Variants in PRKDC observed in about 807,000 individuals in gnomAD.
PRKDC encodes the protein protein kinase, DNA-activated, catalytic subunit, also known as DNA-dependent protein kinase catalytic subunit.
Under a neutral mutation model 486.9 loss-of-function variants are expected in PRKDC, and 82 were observed. The ratio of observed to expected loss-of-function variants is 0.17; its 90% CI spans 0.14 to 0.20. PRKDC has a LOEUF of 0.20. Ranked by LOEUF, PRKDC falls within the 10% of genes least tolerant of loss-of-function variation. The pLI, the probability that PRKDC is intolerant of heterozygous loss-of-function variation, is 1.00. For synonymous variants in PRKDC, 1,895 were observed against 1,837.0 expected, an observed-to-expected ratio of 1.03 and a Z score of -0.81; for missense variants, 4,504 against 5,038.2, an observed-to-expected ratio of 0.89 and a Z score of 3.21.
chr8:47,809,072 A>G (rs2087273055), intron 68 of PRKDC, among the ~76,000 whole-genome samples: 1 of 148,966 alleles, frequency 6.7e-6, no homozygotes, highest in African/African-American at 2.5e-5. Context: ...AAAAAGAGGA[A>G]AAAAGGAGAG....
At chr8:47,788,053 T>G (rs141826177) in intron 76 of PRKDC, among the ~76,000 whole-genome samples, 1 of 152,224 alleles carries the variant, frequency 6.6e-6, no homozygotes, top group African/African-American at 2.4e-5. Flanking sequence ...CCAAGACTTA[T>G]CTATGCCCTT....
At chr8:47,868,080 A>G (rs1013177795) in intron 40 of PRKDC, among the ~76,000 whole-genome samples, 1 of 152,208 alleles carries the variant, frequency 6.6e-6, no homozygotes, top group Non-Finnish European at 1.5e-5. Context: ...GTTGCTGAAT[A>G]GCTTAATGTA....
At chr8:47,924,223 G>A (rs1217181175) in intron 21 of PRKDC, among the ~76,000 whole-genome samples, 1 of 151,996 alleles carries the variant, frequency 6.6e-6, no homozygotes, top group East Asian at 1.9e-4. Context: ...TATTTTCCCG[G>A]CCCCAGGTTG....
chr8:47,947,541 G>A (rs755294449), intron 7 of PRKDC, among the ~76,000 whole-genome samples: 20 of 152,214 alleles, frequency 1.3e-4, no homozygotes, highest in Non-Finnish European at 2.8e-4. Flanking sequence ...GGTAAGGCGG[G>A]TGGATTGCTT....
chr8:47,799,421 C>G (rs2087052338), intron 71 of PRKDC, 31 bp from the exon 72 acceptor site: 2 of 1,458,200 alleles, frequency 1.4e-6, no homozygotes, highest in African/African-American at 2.8e-5. Context: ...AACCCATGAG[C>G]ATGACTGAAG....
chr8:47,839,349 T>C (rs2088093850), intron 55 of PRKDC, 103 bp from the exon 56 acceptor site: 5 of 819,258 alleles, frequency 6.1e-6, no homozygotes, highest in Non-Finnish European at 1.0e-5. Context: ...AAAGGCTTGT[T>C]TTCCCATTAG....
In PRKDC at chr8:47,778,560, G is replaced by C; in HGVS notation, c.11752C>G (p.Leu3918Val). 1 of 1,613,856 alleles carries C rather than the reference G, an allele frequency of 6.2e-7. No homozygotes were observed. Among genetic ancestry groups the C allele is most frequent in the Non-Finnish European group, 8.5e-7 (1 of 1,179,838 alleles). ...TTCAGATGTCTGTCTCCAATCCCGA[G>C]GATCCAGTGGCTGATGCATATCAGA... ...HALICISHWI[L>V]GIGDRHLNNF... Residue 3918 changes from leucine to valine, a missense_variant, in exon 83 of 86, where the codon CTC (leucine) becomes GTC (valine). This residue lies in a region of PRKDC where 706 missense variants were observed against 945.0 expected (regional missense o/e 0.75). Transcript: ENST00000314191.
intron 11 of PRKDC, among the ~76,000 whole-genome samples, chr8:47,936,875 T>G (rs1443374908): frequency 6.8e-6 from 1 of 147,094 alleles, no homozygotes; most frequent in Non-Finnish European, 1.5e-5. Flanking sequence ...TCTGCCCACC[T>G]CAGCCTCCCA....
At chr8:47,907,991 TG>T (rs561974477) in intron 25 of PRKDC, among the ~76,000 whole-genome samples, 3 of 152,086 alleles carry the variant, frequency 2.0e-5, no homozygotes, top group Non-Finnish European at 4.4e-5. Flanking sequence ...CAGCTAGAAA[TG>T]CAAGTATTTC....
At chr8:47,853,215 T>C (rs1193320454) in intron 51 of PRKDC, among the ~76,000 whole-genome samples, 1 of 152,204 alleles carries the variant, frequency 6.6e-6, no homozygotes, top group Non-Finnish European at 1.5e-5. Flanking sequence ...CCATTCACTG[T>C]CAGCACTCAG....
chr8:47,820,216 C>G (rs1425631541), intron 66 of PRKDC, among the ~76,000 whole-genome samples: 2 of 152,136 alleles, frequency 1.3e-5, no homozygotes, highest in Non-Finnish European at 2.9e-5. Flanking sequence ...AGTTCAAGAC[C>G]AGCCTGGCCA....
At chr8:47,848,251 T>C (rs574202349) in intron 54 of PRKDC, among the ~76,000 whole-genome samples, 98 of 152,268 alleles carry the variant, frequency 6.4e-4, no homozygotes, top group African/African-American at 2.1e-3. Context: ...TGCCCATCAA[T>C]GGTGGACTGG....
rs1474773584 is a variant in PRKDC, at chr8:47,893,235, G to C, written c.3751C>G (p.Gln1251Glu). 6.2e-7 allele frequency: 1 copy of C among 1,612,590 alleles called. No individual in the cohort carries two copies. The highest frequency in any genetic ancestry group is 8.5e-7 in the Non-Finnish European group (1 of 1,179,258). The change falls in exon 31 of 86, where the codon CAG (glutamine) becomes GAG (glutamate). Residue 1251 changes from glutamine to glutamate, a missense_variant. This residue lies in a region of PRKDC where 1,969 missense variants were observed against 2,068.9 expected (regional missense o/e 0.95). Transcript: ENST00000314191. ...AGGTCCAGCCAGCATAGCGTGGCCT[G>C]CAGGCTGAATGGCCCCCGAAGGTAC... Reference protein sequence around the residue: ...LLYLRGPFSLQATLCWLDLLL... With the variant: ...LLYLRGPFSLEATLCWLDLLL...
At chr8:47,907,168 G>A (rs1004342769) in intron 25 of PRKDC, among the ~76,000 whole-genome samples, 1 of 150,974 alleles carries the variant, frequency 6.6e-6, no homozygotes, top group African/African-American at 2.4e-5. Context: ...AGCCTCCCGA[G>A]TAGCTGGGAC....
intron 52 of PRKDC, among the ~76,000 whole-genome samples, chr8:47,851,073 G>A (rs1449246812): frequency 6.6e-6 from 1 of 152,178 alleles, no homozygotes; most frequent in Non-Finnish European, 1.5e-5. Context: ...GCCTCCCAAA[G>A]TGCCGGGATT....
chr8:47,891,064 C>G (rs2089445912), intron 31 of PRKDC, among the ~76,000 whole-genome samples: 1 of 152,154 alleles, frequency 6.6e-6, no homozygotes, highest in Non-Finnish European at 1.5e-5. Flanking sequence ...TGTCATAAAA[C>G]TCGTTTGTCT....
chr8:47,907,038 A>G (rs1485409747), intron 25 of PRKDC, among the ~76,000 whole-genome samples: 1 of 151,260 alleles, frequency 6.6e-6, no homozygotes, highest in African/African-American at 2.4e-5. Context: ...CAAAAGAATC[A>G]TACTGGTGTT....
At chr8:47,896,710 T>G (rs1022275342) in intron 30 of PRKDC, among the ~76,000 whole-genome samples, 2 of 150,400 alleles carry the variant, frequency 1.3e-5, no homozygotes, top group African/African-American at 4.9e-5. Flanking sequence ...CCATCTAACC[T>G]GAGGCACTCT....
At chr8:47,884,292 T>C (rs1049124985) in intron 36 of PRKDC, among the ~76,000 whole-genome samples, 1 of 149,626 alleles carries the variant, frequency 6.7e-6, no homozygotes, top group Non-Finnish European at 1.5e-5. Context: ...AATCCTCTCT[T>C]CTCAGCCTCT....
Sources: gnomAD v4.1 joint callset for allele counts (sites outside exome capture counted in the v4.1 genomes callset) on GRCh38, gnomAD v4.1.1 for gene constraint, gnomAD v4.1.1 regional missense constraint, MANE v1.5 for transcripts, NCBI Gene and HGNC (gene_info 2026-07-23, HGNC 2026-07-21) for gene names.